GRIP1: variants seen among roughly 807,000 people sequenced by gnomAD.
The protein encoded by GRIP1 is glutamate receptor interacting protein 1.
Under a neutral mutation model 129.9 loss-of-function variants are expected in GRIP1, and 45 were observed. That is an observed-to-expected ratio of 0.35 (90% CI 0.27 to 0.44). The LOEUF (loss-of-function observed/expected upper bound fraction) is 0.44, where lower values mean the gene tolerates loss of function less well. Among genes scored for constraint, GRIP1 ranks in the 20% least tolerant of loss-of-function variants. The probability of loss-of-function intolerance (pLI) is 1.00; values close to 1 mark genes in which losing one functional copy is unlikely to be tolerated. For synonymous variants in GRIP1, 530 were observed against 520.8 expected (o/e 1.02, Z -0.24); for missense variants, 1,196 against 1,396.8 (o/e 0.86, Z 2.29).
intron 1 of GRIP1, among the ~76,000 whole-genome samples, chr12:67,047,818 T>C (rs2043278183): frequency 2.6e-5 from 4 of 152,334 alleles, no homozygotes; most frequent in Middle Eastern, 3.4e-3. Flanking sequence ...TCACGGTTTG[T>C]ATAAACAATT....
intron 8 of GRIP1, among the ~76,000 whole-genome samples, chr12:66,464,582 A>T (rs530394039): frequency 6.6e-6 from 1 of 152,308 alleles, no homozygotes; most frequent in South Asian, 2.1e-4. Context: ...ACTGCTCTGC[A>T]TGGGGTTTAA....
chr12:66,516,265 A>G (rs1299201484), intron 6 of GRIP1, among the ~76,000 whole-genome samples: 1 of 152,150 alleles, frequency 6.6e-6, no homozygotes, highest in Non-Finnish European at 1.5e-5. Flanking sequence ...GCAATAATTC[A>G]ATTGATTCGA....
At chr12:66,509,800 G>C (rs1458247225) in intron 7 of GRIP1, among the ~76,000 whole-genome samples, 1 of 152,036 alleles carries the variant, frequency 6.6e-6, no homozygotes, top group East Asian at 1.9e-4. Context: ...CCTGTCACGG[G>C]GGCAGGGGAA....
chr12:66,521,822 C>A (rs12579096), intron 5 of GRIP1, among the ~76,000 whole-genome samples: 3,608 of 152,226 alleles, frequency 0.024, 95 homozygotes, highest in East Asian at 0.1. Flanking sequence ...GCTTTTCCAA[C>A]GGGCTTAAAA....
chr12:66,579,751 A>G (rs1458825629), intron 2 of GRIP1, among the ~76,000 whole-genome samples: 1 of 151,968 alleles, frequency 6.6e-6, no homozygotes, highest in Non-Finnish European at 1.5e-5. Context: ...GAAATATGGG[A>G]CTATGTGAAA....
chr12:66,481,317 C>T (rs1406198394), intron 7 of GRIP1, among the ~76,000 whole-genome samples: 1 of 150,292 alleles, frequency 6.7e-6, no homozygotes, highest in African/African-American at 2.4e-5. Context: ...CAAAAGAAGA[C>T]ATTTATGTGG....
chr12:66,505,828 T>C (rs1159950137), intron 7 of GRIP1, among the ~76,000 whole-genome samples: 1 of 152,096 alleles, frequency 6.6e-6, no homozygotes, highest in Non-Finnish European at 1.5e-5. Context: ...ATACACAATA[T>C]ATAAGGAAAT....
chr12:66,640,705 TA>T (rs915080411), intron 1 of GRIP1, among the ~76,000 whole-genome samples: 4 of 152,146 alleles, frequency 2.6e-5, no homozygotes, highest in South Asian at 4.1e-4. Flanking sequence ...CACACAAGCA[TA>T]AAAAAACTAA....
chr12:67,044,340 T>A (rs2043222470), intron 1 of GRIP1, among the ~76,000 whole-genome samples: 1 of 152,226 alleles, frequency 6.6e-6, no homozygotes, highest in African/African-American at 2.4e-5. Context: ...GATTTGTAGA[T>A]ACTAAAGAAG....
intron 1 of GRIP1, among the ~76,000 whole-genome samples, chr12:66,916,674 C>G (rs2041128154): frequency 6.6e-6 from 1 of 151,772 alleles, no homozygotes; most frequent in African/African-American, 2.4e-5. Flanking sequence ...AACGATTATT[C>G]AAATATTTTT....
chr12:66,640,461 T>C (rs947491566), intron 1 of GRIP1, among the ~76,000 whole-genome samples: 6 of 152,192 alleles, frequency 3.9e-5, no homozygotes, highest in East Asian at 3.9e-4. Context: ...ATAGATTATA[T>C]GGCAAAATAT....
rs529168125 is a variant in GRIP1, at chr12:66,672,672, C to T, written c.55+6178G>A. ...GAGAGAAAAAGATGAGTTTCAAACA[C>T]TGACGGCTTGCCTATCCCTAGAAAC... On this transcript the variant is annotated intron_variant, in intron 1 of 24. Coordinates refer to ENST00000359742, the MANE Select transcript of GRIP1 (RefSeq NM_001366722.1). 6.6e-5 allele frequency among the ~76,000 whole-genome samples: 10 copies of T among 152,188 alleles called. No individual in the cohort carries two copies. The South Asian group carries it at 1.7e-3, about 25-fold the overall frequency.
intron 1 of GRIP1, among the ~76,000 whole-genome samples, chr12:66,766,435 C>A (rs2037640423): frequency 6.6e-6 from 1 of 152,210 alleles, no homozygotes; most frequent in Admixed American, 6.5e-5. Flanking sequence ...ACACGGCACA[C>A]ACACCTTCAT....
intron 8 of GRIP1, among the ~76,000 whole-genome samples, chr12:66,464,954 CTTTT>C (rs62769560): frequency 2.1e-5 from 2 of 93,624 alleles, no homozygotes; most frequent in Non-Finnish European, 5.3e-5. Flanking sequence ...TTCTTTCTTT[CTTTT>C]TTTTTTTTTG....
intron 23 of GRIP1, among the ~76,000 whole-genome samples, chr12:66,365,799 C>T (rs1317339738): frequency 6.6e-6 from 1 of 152,188 alleles, no homozygotes; most frequent in African/African-American, 2.4e-5. Context: ...GTCTGGGATG[C>T]TGAAGAAGTC....
At chr12:66,839,107 T>A (rs1054137654) in intron 1 of GRIP1, among the ~76,000 whole-genome samples, 5 of 152,078 alleles carry the variant, frequency 3.3e-5, no homozygotes, top group African/African-American at 1.2e-4. Flanking sequence ...TAGACTAATT[T>A]GAATTTAATT....
At chr12:66,515,317 T>G (rs2060812876) in intron 7 of GRIP1, among the ~76,000 whole-genome samples, 1 of 152,010 alleles carries the variant, frequency 6.6e-6, no homozygotes, top group South Asian at 2.1e-4. Flanking sequence ...ATTTTTGTGA[T>G]TTGGAGGGGA....
At position 67,054,039 on chromosome 12, in the gene GRIP1, G is replaced by A. The variant is rs570237005; in HGVS notation, c.58+15011C>T. On this transcript the variant is annotated intron_variant, in intron 1 of 1. Transcript: ENST00000643019. ...ACCGGCCATCTACCTATTTGTGGCA[G>A]GAGAGGAGGTAAAGTTTATTTAGGT... Among the ~76,000 whole-genome samples the A allele has an allele frequency of 1.4e-3, 208 of 152,278 alleles. 1 individual carries two copies. The South Asian group carries it at 0.018, about 13-fold the overall frequency.
chr12:66,997,894 T>C (rs1335885342), intron 1 of GRIP1, among the ~76,000 whole-genome samples: 1 of 152,136 alleles, frequency 6.6e-6, no homozygotes, highest in Non-Finnish European at 1.5e-5. Context: ...AAAGATATAC[T>C]AAAAGAAAAC....
Sources: allele counts gnomAD v4.1 joint callset (sites outside exome capture counted in the v4.1 genomes callset), GRCh38; gene constraint gnomAD v4.1.1; transcripts MANE v1.5; gene names NCBI Gene and HGNC (gene_info 2026-07-23, HGNC 2026-07-21).